Variants in DOCK8 observed in about 807,000 individuals in gnomAD.
The protein encoded by DOCK8 is dedicator of cytokinesis 8.
A neutral mutation model predicts 245.6 loss-of-function variants in DOCK8; 141 were observed. The ratio of observed to expected loss-of-function variants is 0.57; its 90% CI spans 0.50 to 0.66. DOCK8 has a LOEUF of 0.66. DOCK8 is among the 30% of genes least tolerant of loss of function. DOCK8 has a pLI of 0.00. For missense variants in DOCK8, 2,965 were observed against 2,603.4 expected (o/e 1.14, Z -3.02); for synonymous variants, 1,168 against 970.2 (o/e 1.20, Z -3.79).
intron 1 of DOCK8, among the ~76,000 whole-genome samples, chr9:250,721 T>C (rs2047624538): frequency 6.6e-6 from 1 of 152,178 alleles, no homozygotes. Context: ...ATAGTATGTG[T>C]ATAATCCCAG....
chr9:438,992 G>C (rs1038529980), intron 39 of DOCK8, among the ~76,000 whole-genome samples: 4 of 152,136 alleles, frequency 2.6e-5, no homozygotes, highest in African/African-American at 9.7e-5. Flanking sequence ...GTGACATTGA[G>C]GTAAGTGTCC....
rs1210792510 is a variant in DOCK8, at chr9:307,329, G to GTTTTTTTTTT, written c.528+2633_528+2634insTTTTTTTTTT. Among the ~76,000 whole-genome samples the GTTTTTTTTTT allele has an allele frequency of 8.0e-5, 6 of 75,140 alleles. 3 individuals are homozygous for GTTTTTTTTTT. The highest frequency in any genetic ancestry group is 9.8e-5 in the African/African-American group (2 of 20,458). 49.3% of individuals were successfully genotyped at this position (75,140 alleles called of 152,430 possible). A position where few individuals can be genotyped will look rare whatever the true frequency, so the allele number is the denominator to read the frequency against. ...AACTCAAGTCACTGTGTTGTGTGTG[G>GTTTTTTTTTT]TTTTTTTTGTTTTTTTTTTTTTTTT... On this transcript the variant is annotated intron_variant, in intron 5 of 47. Coordinates refer to ENST00000432829, the MANE Select transcript of DOCK8 (RefSeq NM_203447.4).
At chr9:435,547 A>G (rs555456987) in intron 39 of DOCK8, among the ~76,000 whole-genome samples, 47 of 152,348 alleles carry the variant, frequency 3.1e-4, no homozygotes, top group African/African-American at 7.9e-4. Flanking sequence ...CATTGGATAA[A>G]TGATTTTCCT....
chr9:294,812 A>G (rs1449898936), intron 4 of DOCK8, among the ~76,000 whole-genome samples: 1 of 152,234 alleles, frequency 6.6e-6, no homozygotes, highest in Non-Finnish European at 1.5e-5. Flanking sequence ...GGAACAAACA[A>G]TTGATATATA....
chr9:408,757 C>G (rs961114376), intron 28 of DOCK8, among the ~76,000 whole-genome samples: 1 of 152,104 alleles, frequency 6.6e-6, no homozygotes, highest in Non-Finnish European at 1.5e-5. Flanking sequence ...ACATTCTGTT[C>G]TGGATTCCTT....
intron 1 of DOCK8, among the ~76,000 whole-genome samples, chr9:218,502 C>T (rs76363006): frequency 0.035 from 5,311 of 152,168 alleles, 144 homozygotes; most frequent in African/African-American, 0.062. Flanking sequence ...TTAGGCAGTT[C>T]GTAATAACAT....
chr9:334,880 G>A (rs951779799), intron 11 of DOCK8, among the ~76,000 whole-genome samples: 10 of 152,042 alleles, frequency 6.6e-5, no homozygotes, highest in Non-Finnish European at 1.0e-4. Context: ...CCAGGAGTTC[G>A]AGACCAGCCT....
intron 14 of DOCK8, among the ~76,000 whole-genome samples, chr9:346,645 T>A (rs776763252): frequency 6.6e-6 from 1 of 152,146 alleles, no homozygotes; most frequent in East Asian, 1.9e-4. Context: ...CTCTGATGGA[T>A]AATTAGCTGT....
intron 4 of DOCK8, among the ~76,000 whole-genome samples, chr9:290,252 T>A (rs1586611227): frequency 6.6e-6 from 1 of 152,070 alleles, no homozygotes; most frequent in South Asian, 2.1e-4. Flanking sequence ...TCATAAACTT[T>A]CTTAAAACAT....
chr9:323,341 A>G (rs1330166665), intron 7 of DOCK8, among the ~76,000 whole-genome samples: 1 of 145,808 alleles, frequency 6.9e-6, no homozygotes, highest in East Asian at 2.1e-4. Flanking sequence ...CTCCTGCCTC[A>G]GCCTCCCGAG....
intron 1 of DOCK8, among the ~76,000 whole-genome samples, chr9:232,950 G>C (rs1318950562): frequency 2.0e-5 from 3 of 152,092 alleles, no homozygotes; most frequent in Non-Finnish European, 4.4e-5. Flanking sequence ...TTTTGAATGT[G>C]TTTGCTCTTG....
intron 14 of DOCK8, among the ~76,000 whole-genome samples, chr9:350,041 T>G (rs1220447819): frequency 6.6e-6 from 1 of 152,212 alleles, no homozygotes; most frequent in African/African-American, 2.4e-5. Flanking sequence ...TTCTCACCTT[T>G]CCAGGAATCT....
intron 26 of DOCK8, among the ~76,000 whole-genome samples, chr9:403,890 C>A (rs28439830): frequency 0.023 from 1,794 of 79,580 alleles, 16 homozygotes; most frequent in East Asian, 0.037. Flanking sequence ...CTCTCTCTCT[C>A]TCTATATATA....
chr9:231,185 C>CAAGGTTTGTCA (rs1230910454), intron 1 of DOCK8, among the ~76,000 whole-genome samples: 5 of 152,218 alleles, frequency 3.3e-5, no homozygotes, highest in African/African-American at 1.2e-4. Flanking sequence ...TTGTTTTTGT[C>CAAGGTTTGTCA]AGGTTTGTCA....
intron 7 of DOCK8, among the ~76,000 whole-genome samples, chr9:323,736 G>A (rs1481180020): frequency 6.6e-6 from 1 of 152,124 alleles, no homozygotes; most frequent in African/African-American, 2.4e-5. Context: ...TACTCTAGGT[G>A]CCTCATGTAA....
intron 14 of DOCK8, among the ~76,000 whole-genome samples, chr9:354,369 A>G (rs1481240831): frequency 1.3e-5 from 2 of 152,194 alleles, no homozygotes; most frequent in Non-Finnish European, 2.9e-5. Context: ...GGTCCAATTG[A>G]GGCAGAAATT....
At chr9:404,858 A>G (rs1216987372) in intron 26 of DOCK8, 60 bp from the exon 27 acceptor site, 6 of 1,595,460 alleles carry the variant, frequency 3.8e-6, no homozygotes, top group Non-Finnish European at 5.1e-6. Flanking sequence ...GTGTCTGCCA[A>G]CCTCAACTCC....
intron 1 of DOCK8, among the ~76,000 whole-genome samples, chr9:237,555 C>G (rs759196218): frequency 3.3e-5 from 5 of 152,040 alleles, no homozygotes; most frequent in Non-Finnish European, 5.9e-5. Flanking sequence ...CTCAGGAGGC[C>G]AAGATGGAAG....
chr9:371,636 C>G (rs1177880395), intron 17 of DOCK8, 70 bp downstream of exon 17: 22 of 1,597,394 alleles, frequency 1.4e-5, no homozygotes, highest in Non-Finnish European at 1.9e-5. Flanking sequence ...CAGAGATAAA[C>G]AACCAAATTC....
Sources: gnomAD v4.1 joint callset for allele counts (sites outside exome capture counted in the v4.1 genomes callset) on GRCh38, gnomAD v4.1.1 for gene constraint, MANE v1.5 for transcripts, NCBI Gene and HGNC (gene_info 2026-07-23, HGNC 2026-07-21) for gene names.